GREM2: variants seen among roughly 807,000 people sequenced by gnomAD.
GREM2 encodes the protein gremlin-2.
A neutral mutation model predicts 14.2 loss-of-function variants in GREM2; 11 were observed. The observed-to-expected ratio is 0.78, with a 90% CI of 0.49 to 1.28. The LOEUF is 1.28. Ranked by LOEUF, GREM2 falls within the 50% of genes most tolerant of loss-of-function variation. The pLI is 0.00. For missense variants in GREM2, 210 were observed against 218.5 expected, an observed-to-expected ratio of 0.96 and a Z score of 0.24; for synonymous variants, 98 against 97.6, an observed-to-expected ratio of 1.00 and a Z score of -0.02.
At chr1:240,523,772 C>T (rs1057009734) in intron 1 of GREM2, among the ~76,000 whole-genome samples, 2 of 151,946 alleles carry the variant, frequency 1.3e-5, no homozygotes, top group South Asian at 2.1e-4. Context: ...ATATAAACTC[C>T]TAGAAGAAAA....
chr1:240,547,061 G>A (rs913600739), intron 1 of GREM2, among the ~76,000 whole-genome samples: 8 of 152,064 alleles, frequency 5.3e-5, no homozygotes, highest in African/African-American at 1.9e-4. Context: ...GGCCTTAACA[G>A]GAAGGGAGGG....
intron 1 of GREM2, among the ~76,000 whole-genome samples, chr1:240,574,246 G>T (rs1025873053): frequency 7.9e-5 from 12 of 152,026 alleles, no homozygotes; most frequent in African/African-American, 2.9e-4. Flanking sequence ...TTTCTTTTCT[G>T]TTGTATAGAA....
In GREM2 at chr1:240,542,426, G is replaced by A. The variant is rs1021375833; in HGVS notation, c.-1-48950C>T. On this transcript the variant is annotated intron_variant, in intron 1 of 1. Coordinates refer to ENST00000318160, the MANE Select transcript of GREM2 (RefSeq NM_022469.4). This position sits in a 1 kb window ranked among gnomAD's most constrained non-coding sequence, Gnocchi z 4.1. ...TCGAGACCAGCCTGGCCAACATGGC[G>A]AAACCCCCATCTCTACTAAAAAAAA... 2.1e-5 allele frequency among the ~76,000 whole-genome samples: 3 copies of A among 144,542 alleles called. No individual in the cohort carries two copies. The highest frequency in any genetic ancestry group is 3.0e-5 in the Non-Finnish European group (2 of 66,904). 94.8% of individuals were successfully genotyped at this position (144,542 alleles called of 152,430 possible).
At chr1:240,521,834 A>T (rs897602605) in intron 1 of GREM2, among the ~76,000 whole-genome samples, 4 of 152,034 alleles carry the variant, frequency 2.6e-5, no homozygotes, top group African/African-American at 9.7e-5. Flanking sequence ...AATGTAGGCC[A>T]GGGTCAGTGG....
At chr1:240,526,746 T>C (rs946044920) in intron 1 of GREM2, among the ~76,000 whole-genome samples, 2 of 152,248 alleles carry the variant, frequency 1.3e-5, no homozygotes, top group Non-Finnish European at 2.9e-5. Context: ...CAAATTACAA[T>C]GTTCCAAATT....
intron 1 of GREM2, among the ~76,000 whole-genome samples, chr1:240,545,248 T>G (rs1052900243): frequency 1.3e-5 from 2 of 152,214 alleles, no homozygotes; most frequent in Non-Finnish European, 2.9e-5. Flanking sequence ...GCTTCTGTAA[T>G]TAAGCCTCCG....
chr1:240,585,310 G>C (rs1572411476), intron 1 of GREM2, among the ~76,000 whole-genome samples: 1 of 152,114 alleles, frequency 6.6e-6, no homozygotes, highest in Non-Finnish European at 1.5e-5. Context: ...ACTGCCACCT[G>C]TGACTGTTAT....
chr1:240,544,330 A>G (rs1264486127), intron 1 of GREM2, among the ~76,000 whole-genome samples: 8 of 151,836 alleles, frequency 5.3e-5, no homozygotes, highest in South Asian at 2.1e-4. Flanking sequence ...TGTATTTTTA[A>G]TAGACGCGGG....
At position 240,563,684 on chromosome 1, in the gene GREM2, G is replaced by A. The variant is rs115555031; in HGVS notation, c.-2+48200C>T. ...GAGCTAAGAGGTCCAGGTAGACCTG[G>A]GATCCTGGGCATTTTGTAAATCTCT... On this transcript the variant is annotated intron_variant, in intron 1 of 1. Transcript: ENST00000318160. Among the ~76,000 whole-genome samples, 1,174 of 152,214 alleles carry A rather than the reference G, an allele frequency of 7.7e-3. 8 individuals carry two copies. Among genetic ancestry groups the A allele is most frequent in the Middle Eastern group, 0.014 (4 of 294 alleles).
At chr1:240,522,513 T>C (rs575948643) in intron 1 of GREM2, among the ~76,000 whole-genome samples, 1 of 152,320 alleles carries the variant, frequency 6.6e-6, no homozygotes, top group African/African-American at 2.4e-5. Flanking sequence ...TATAAAATGA[T>C]TCCAGAGAAA....
chr1:240,563,184 T>C (rs1679107040), intron 1 of GREM2, among the ~76,000 whole-genome samples: 1 of 151,516 alleles, frequency 6.6e-6, no homozygotes, highest in Non-Finnish European at 1.5e-5. Flanking sequence ...TGTGTATGTG[T>C]ACGTGTGTGA....
At position 240,540,952 on chromosome 1, in the gene GREM2, C is replaced by A. The variant is rs1934343; in HGVS notation, c.-1-47476G>T. Among the ~76,000 whole-genome samples, 1 of 152,130 alleles carries A rather than the reference C, an allele frequency of 6.6e-6. No individual in the cohort carries two copies. Reference sequence around the variant, plus strand: ...CCTTCCAGCATTCTGGACCAGAAGTCTCCTGTGTTTGTTCTGCTTTTGTGG... The same window carrying A: ...CCTTCCAGCATTCTGGACCAGAAGTATCCTGTGTTTGTTCTGCTTTTGTGG... On this transcript the variant is annotated intron_variant, in intron 1 of 1. Coordinates refer to ENST00000318160, the MANE Select transcript of GREM2 (RefSeq NM_022469.4). This position sits in a 1 kb window ranked among gnomAD's most constrained non-coding sequence, Gnocchi z 4.2.
intron 1 of GREM2, among the ~76,000 whole-genome samples, chr1:240,531,227 T>C (rs1678351957): frequency 6.6e-6 from 1 of 152,260 alleles, no homozygotes; most frequent in South Asian, 2.1e-4. Context: ...TGGCACAGAC[T>C]GATACTTTTA....
intron 1 of GREM2, among the ~76,000 whole-genome samples, chr1:240,521,240 T>C (rs2103302861): frequency 6.6e-6 from 1 of 152,150 alleles, no homozygotes; most frequent in Admixed American, 6.5e-5. Context: ...GTTCTCTCTT[T>C]CCCCTGCTTT....
chr1:240,516,063 T>G (rs2103297154), intron 1 of GREM2, among the ~76,000 whole-genome samples: 1 of 151,814 alleles, frequency 6.6e-6, no homozygotes, highest in African/African-American at 2.4e-5. Context: ...GCCCCAAGTA[T>G]ACTCCATGGA....
rs373183432 is a variant in GREM2, at chr1:240,516,446, T to C, written c.-1-22970A>G. ...TGGTGATTTTATTTGTATTCTATTG[T>C]TCCCTAAACTTATTTAGCTGCCTTG... On this transcript the variant is annotated intron_variant, in intron 1 of 1. Transcript: ENST00000318160. Among the ~76,000 whole-genome samples the C allele has an allele frequency of 4.0e-4, 61 of 152,338 alleles. 1 individual carries two copies. The South Asian group carries it at 0.012, about 30-fold the overall frequency.
intron 1 of GREM2, among the ~76,000 whole-genome samples, chr1:240,516,986 C>T (rs1049809753): frequency 6.6e-6 from 1 of 152,084 alleles, no homozygotes; most frequent in African/African-American, 2.4e-5. Context: ...TTTAGGAAGT[C>T]TTCAAATCGC....
chr1:240,492,969 TC>T lies in GREM2; in HGVS notation c.506del (p.Ter169=). ...GGCTGAGCTGCGTCCGGCCCGGCGC[TC>T]ACTGCTTGTCCGAGTCGCTCAGGTT... ...SVNLSDSDKQ[*>X] is the part of the protein sequence containing the mutation. On this transcript the variant is annotated frameshift_variant and stop_lost, in exon 2 of 2. Transcript: ENST00000318160. LOFTEE classifies it high-confidence loss of function. 6.6e-7 allele frequency: 1 copy of T among 1,522,110 alleles called. No homozygotes were observed. Among genetic ancestry groups the T allele is most frequent in the Non-Finnish European group, 8.8e-7 (1 of 1,130,466 alleles). The allele number at this position is 1,522,110 out of a possible 1,614,324, so 94.3% of individuals were successfully genotyped here. A position where few individuals can be genotyped will look rare whatever the true frequency, so the allele number is the denominator to read the frequency against.
intron 1 of GREM2, among the ~76,000 whole-genome samples, chr1:240,533,966 G>A (rs969278577): frequency 6.6e-6 from 1 of 152,116 alleles, no homozygotes; most frequent in African/African-American, 2.4e-5. Context: ...GGTAAGACCT[G>A]GTGCTACTTT....
Sources: allele counts gnomAD v4.1 joint callset (sites outside exome capture counted in the v4.1 genomes callset), GRCh38; gene constraint gnomAD v4.1.1; non-coding constraint Gnocchi (gnomAD v3.1); transcripts MANE v1.5; gene names NCBI Gene and HGNC (gene_info 2026-07-23, HGNC 2026-07-21).